TIAM2: variants seen among roughly 807,000 people sequenced by gnomAD.
The protein encoded by TIAM2 is TIAM Rac1 associated GEF 2.
Under a neutral mutation model 152.9 loss-of-function variants are expected in TIAM2, and 80 were observed. That is an observed-to-expected ratio of 0.52 (90% CI 0.44 to 0.63). TIAM2 has a LOEUF of 0.63. Ranked by LOEUF, TIAM2 falls within the 30% of genes least tolerant of loss-of-function variation. The probability of loss-of-function intolerance (pLI) is 0.00; values close to 1 mark genes in which losing one functional copy is unlikely to be tolerated. For missense variants in TIAM2, 1,965 were observed against 2,120.1 expected, an observed-to-expected ratio of 0.93 and a Z score of 1.44; for synonymous variants, 804 against 838.0, an observed-to-expected ratio of 0.96 and a Z score of 0.70.
chr6:155,027,216 G>A (rs117301923), intron 1 of TIAM2, among the ~76,000 whole-genome samples: 8,526 of 151,218 alleles, frequency 0.056, 349 homozygotes, highest in Non-Finnish European at 0.085. Context: ...AATAGAGACG[G>A]GGTTTCACCA....
chr6:155,215,583 G>A (rs933598104), intron 15 of TIAM2, among the ~76,000 whole-genome samples: 1 of 151,964 alleles, frequency 6.6e-6, no homozygotes, highest in African/African-American at 2.4e-5. Flanking sequence ...CAGTTTCCCT[G>A]TTCTTTGTTT....
At chr6:155,004,507 C>T (rs1412971035) in intron 1 of TIAM2, among the ~76,000 whole-genome samples, 1 of 152,160 alleles carries the variant, frequency 6.6e-6, no homozygotes, top group Non-Finnish European at 1.5e-5. Flanking sequence ...TCTCCTGCCT[C>T]AGCCTCCCGA....
chr6:155,147,658 G>T, intron 6 of TIAM2, among the ~76,000 whole-genome samples: 1 of 152,238 alleles, frequency 6.6e-6, no homozygotes, highest in South Asian at 2.1e-4. Flanking sequence ...GCTAATTTTT[G>T]TATTTTAGTA....
At chr6:155,242,520 C>A (rs1285315698) in intron 16 of TIAM2, among the ~76,000 whole-genome samples, 1 of 152,150 alleles carries the variant, frequency 6.6e-6, no homozygotes, top group Non-Finnish European at 1.5e-5. Flanking sequence ...TGTCACAGGC[C>A]TTGCCTTTTG....
rs553673872 is a variant in TIAM2 at position 155,254,650 on chromosome 6, T to C, written c.4468+77T>C. On this transcript the variant is annotated intron_variant, in intron 26 of 26. Coordinates refer to ENST00000682666, the MANE Select transcript of TIAM2 (RefSeq NM_012454.4). The stretch of plus-strand genomic sequence containing the variant: ...GAAAAGGATATATGCTCTTGTAACA[T>C]AGCTGTGACTTTTCACTTTGTAAGT... The C allele has an allele frequency of 3.3e-5, 50 of 1,531,166 alleles. No individual in the cohort carries two copies. In the East Asian group the frequency reaches 5.9e-4, roughly 18 times the overall value. The allele number at this position is 1,531,166 out of a possible 1,614,324, so 94.8% of individuals were successfully genotyped here.
chr6:155,078,546 C>T (rs545531091), intron 1 of TIAM2, among the ~76,000 whole-genome samples: 1 of 152,196 alleles, frequency 6.6e-6, no homozygotes, highest in Non-Finnish European at 1.5e-5. Flanking sequence ...TTATGGGGAT[C>T]CTGGGCCTCC....
intron 5 of TIAM2, among the ~76,000 whole-genome samples, chr6:155,139,217 G>T (rs150378788): frequency 1.1e-4 from 17 of 152,334 alleles, no homozygotes; most frequent in African/African-American, 3.8e-4. Flanking sequence ...TTATCGAACA[G>T]TTGGAGCCCT....
In TIAM2 at chr6:155,250,492, C is replaced by G. The variant is rs143389765; in HGVS notation, c.3952-421C>G. 2,379 of 1,475,078 alleles carry G rather than the reference C, an allele frequency of 1.6e-3. 4 individuals carry two copies. The highest frequency in any genetic ancestry group is 1.9e-3 in the Non-Finnish European group (2,113 of 1,095,338). The allele number at this position is 1,475,078 out of a possible 1,614,324, so 91.4% of individuals were successfully genotyped here. On this transcript the variant is annotated intron_variant, in intron 21 of 26. Coordinates refer to ENST00000682666, the MANE Select transcript of TIAM2 (RefSeq NM_012454.4). ...GCAGGAACAGGAAAGGACTGGAGAT[C>G]AGTCCTTCACTCTGGCCAGTTTCAA...
chr6:155,034,168 C>G (rs1776878829), intron 1 of TIAM2, among the ~76,000 whole-genome samples: 1 of 152,052 alleles, frequency 6.6e-6, no homozygotes, highest in South Asian at 2.1e-4. Flanking sequence ...TTGCCCCTGC[C>G]TTCATCTACC....
At chr6:155,007,597 G>A (rs1338505044) in intron 1 of TIAM2, among the ~76,000 whole-genome samples, 2 of 151,986 alleles carry the variant, frequency 1.3e-5, no homozygotes, top group African/African-American at 2.4e-5. Context: ...AAAATGTCAG[G>A]TTACTTAAAA....
At chr6:155,141,391 G>A (rs1779700798) in intron 5 of TIAM2, among the ~76,000 whole-genome samples, 2 of 113,284 alleles carry the variant, frequency 1.8e-5, no homozygotes, top group South Asian at 5.5e-4. Context: ...ACACATATAT[G>A]TGTACACACA....
rs1205259200 is a variant in TIAM2, at chr6:155,182,227, G to A, written c.2709G>A (p.Gly903=). The change falls in exon 13 of 27, where the codon GGG becomes GGA. Residue 903 remains glycine, a splice_region_variant and synonymous_variant. Transcript: ENST00000682666. The part of the protein sequence containing the change: ...LTKTGSVCDF[G]FAVTAQVDER... ...TTTTCCTTTTGTTTTCATTCCTAGG[G>A]TTTGCAGTTACAGCGCAGGTGGATG... 9 of 1,614,062 alleles carry A rather than the reference G, an allele frequency of 5.6e-6. No individual in the cohort carries two copies. The highest frequency in any genetic ancestry group is 5.9e-6 in the Non-Finnish European group (7 of 1,179,908).
chr6:155,182,635 T>C (rs1402431681), intron 13 of TIAM2, among the ~76,000 whole-genome samples: 1 of 152,022 alleles, frequency 6.6e-6, no homozygotes, highest in African/African-American at 2.4e-5. Flanking sequence ...AGAAAATGCA[T>C]ATGCCTATAT....
intron 14 of TIAM2, among the ~76,000 whole-genome samples, chr6:155,198,801 C>G (rs1293035569): frequency 2.0e-5 from 3 of 151,490 alleles, no homozygotes; most frequent in Non-Finnish European, 4.4e-5. Flanking sequence ...AAATCTGATG[C>G]AAGGGAATGG....
chr6:155,068,280 A>G (rs749898345), intron 1 of TIAM2, among the ~76,000 whole-genome samples: 1 of 151,674 alleles, frequency 6.6e-6, no homozygotes, highest in Non-Finnish European at 1.5e-5. Flanking sequence ...AAAACTCTCT[A>G]CCCACCCTTT....
chr6:155,109,271 AC>A (rs1323842885), intron 2 of TIAM2, among the ~76,000 whole-genome samples: 1 of 152,160 alleles, frequency 6.6e-6, no homozygotes, highest in Non-Finnish European at 1.5e-5. Flanking sequence ...GGTGTGAGCC[AC>A]TGCACCCGGC....
intron 14 of TIAM2, among the ~76,000 whole-genome samples, chr6:155,201,403 A>G (rs1460016785): frequency 6.6e-6 from 1 of 152,218 alleles, no homozygotes; most frequent in Non-Finnish European, 1.5e-5. Context: ...ATTGTCTGTT[A>G]CATGCCTGAA....
chr6:155,075,933 G>A (rs2114960366), intron 1 of TIAM2, among the ~76,000 whole-genome samples: 1 of 152,226 alleles, frequency 6.6e-6, no homozygotes, highest in East Asian at 1.9e-4. Context: ...TCAATACACT[G>A]AAAAAATAAC....
At chr6:155,132,394 CCA>C (rs1779468873) in intron 4 of TIAM2, among the ~76,000 whole-genome samples, 1 of 151,748 alleles carries the variant, frequency 6.6e-6, no homozygotes, top group East Asian at 1.9e-4. Flanking sequence ...TCTGCCTCCA[CCA>C]CCCCCTCCTG....
Sources: allele counts gnomAD v4.1 joint callset (sites outside exome capture counted in the v4.1 genomes callset), GRCh38; gene constraint gnomAD v4.1.1; transcripts MANE v1.5; gene names NCBI Gene and HGNC (gene_info 2026-07-23, HGNC 2026-07-21).